Variants in NELL1 observed in about 807,000 individuals in gnomAD.
NELL1 encodes the protein neural EGFL like 1, also known as protein kinase C-binding protein NELL1.
A neutral mutation model predicts 107.4 loss-of-function variants in NELL1; 76 were observed. The observed-to-expected ratio is 0.71, with a 90% confidence interval of 0.59 to 0.86. NELL1 has a LOEUF of 0.86. NELL1 is among the 40% of genes least tolerant of loss of function. NELL1 has a pLI of 0.00. For missense variants in NELL1, 1,024 were observed against 1,005.5 expected (o/e 1.02, Z -0.25); for synonymous variants, 353 against 341.2 (o/e 1.03, Z -0.38).
At chr11:21,294,104 A>G (rs1849326999) in intron 14 of NELL1, among the ~76,000 whole-genome samples, 1 of 152,112 alleles carries the variant, frequency 6.6e-6, no homozygotes, top group African/African-American at 2.4e-5. Context: ...TGAAGTATAT[A>G]AAAATGGCAA....
intron 2 of NELL1, among the ~76,000 whole-genome samples, chr11:20,682,599 T>C (rs187337531): frequency 1.3e-5 from 2 of 152,188 alleles, no homozygotes; most frequent in Admixed American, 1.3e-4. Context: ...ATAATTATAT[T>C]ATAATAAACT....
chr11:21,175,565 T>C (rs1186377046), intron 13 of NELL1, among the ~76,000 whole-genome samples: 1 of 151,834 alleles, frequency 6.6e-6, no homozygotes, highest in African/African-American at 2.4e-5. Context: ...TGTGTGACAG[T>C]GTTGGGTTTA....
At chr11:20,794,162 T>C (rs1399121884) in intron 3 of NELL1, among the ~76,000 whole-genome samples, 3 of 152,194 alleles carry the variant, frequency 2.0e-5, no homozygotes, top group African/African-American at 7.2e-5. Flanking sequence ...ATGTATAATC[T>C]GTATCCCATT....
At chr11:20,806,866 T>G (rs1857395795) in intron 3 of NELL1, among the ~76,000 whole-genome samples, 1 of 152,172 alleles carries the variant, frequency 6.6e-6, no homozygotes, top group Admixed American at 6.5e-5. Context: ...GTTAATTAAA[T>G]TTTTCAACTC....
intron 2 of NELL1, among the ~76,000 whole-genome samples, chr11:20,719,407 T>A (rs1324867685): frequency 1.6e-5 from 2 of 124,102 alleles, no homozygotes; most frequent in African/African-American, 6.2e-5. Flanking sequence ...AATATTTAAA[T>A]ATACTATTAA....
intron 1 of NELL1, chr11:20,674,350 C>T: frequency 1.5e-6 from 1 of 647,396 alleles, no homozygotes; most frequent in African/African-American, 1.8e-5. Flanking sequence ...GATGAAACAA[C>T]CCCCAGCTGG....
At chr11:20,960,674 A>G (rs1426422661) in intron 12 of NELL1, 114 bp downstream of exon 12, 10 of 1,126,630 alleles carry the variant, frequency 8.9e-6, no homozygotes, top group East Asian at 7.1e-5. Flanking sequence ...ATGCAATCCT[A>G]TAAGAAATCA....
At chr11:20,689,442 C>G (rs964911432) in intron 2 of NELL1, among the ~76,000 whole-genome samples, 1 of 111,100 alleles carries the variant, frequency 9.0e-6, no homozygotes, top group Non-Finnish European at 1.8e-5. Context: ...CCCCTCCCCC[C>G]ACCCCACAAC....
intron 13 of NELL1, among the ~76,000 whole-genome samples, chr11:21,154,368 G>A (rs1208480245): frequency 6.6e-6 from 1 of 152,148 alleles, no homozygotes; most frequent in Non-Finnish European, 1.5e-5. Flanking sequence ...GACTTGACAT[G>A]GCAGGGGAAA....
chr11:21,242,657 A>T (rs1052778329), intron 14 of NELL1, among the ~76,000 whole-genome samples: 1 of 152,070 alleles, frequency 6.6e-6, no homozygotes, highest in African/African-American at 2.4e-5. Flanking sequence ...GCCTACACGT[A>T]AAAATTACTG....
At position 21,491,610 on chromosome 11, in the gene NELL1, A is replaced by G. The variant is rs529732496; in HGVS notation, c.1646-42764A>G. Among the ~76,000 whole-genome samples, 13 of 152,200 alleles carry G rather than the reference A, an allele frequency of 8.5e-5. No individual in the cohort carries two copies. The South Asian group carries it at 2.1e-3, about 24-fold the overall frequency. On this transcript the variant is annotated intron_variant, in intron 15 of 19. Coordinates refer to ENST00000357134, the MANE Select transcript of NELL1 (RefSeq NM_006157.5). The stretch of plus-strand genomic sequence containing the variant: ...GTTTGGGTTACTGTAGCTTTGTAGT[A>G]TAGTTTGAAGTCAGGTAGCATGATG...
intron 3 of NELL1, among the ~76,000 whole-genome samples, chr11:20,806,020 T>C (rs1857375362): frequency 6.6e-6 from 1 of 152,198 alleles, no homozygotes. Flanking sequence ...TATAAGTAGT[T>C]TACTGACCAC....
At chr11:21,360,290 G>A (rs769157803) in intron 14 of NELL1, among the ~76,000 whole-genome samples, 4 of 152,078 alleles carry the variant, frequency 2.6e-5, no homozygotes. Context: ...CTATGTATTT[G>A]TATAGTTTTG....
intron 14 of NELL1, chr11:21,284,502 G>A (rs1340988214): frequency 6.5e-6 from 3 of 459,588 alleles, no homozygotes; most frequent in African/African-American, 2.0e-5. Flanking sequence ...TGTGGGGGAG[G>A]TGGCATCCCG....
At chr11:20,827,293 C>A (rs1313203407) in intron 3 of NELL1, among the ~76,000 whole-genome samples, 1 of 151,334 alleles carries the variant, frequency 6.6e-6, no homozygotes, top group African/African-American at 2.4e-5. Flanking sequence ...TGTCAGTGCT[C>A]ATTATTGTGT....
At chr11:20,936,061 G>C (rs1014578811) in intron 9 of NELL1, among the ~76,000 whole-genome samples, 7 of 152,150 alleles carry the variant, frequency 4.6e-5, no homozygotes, top group African/African-American at 1.7e-4. Context: ...AGTGCTCTCA[G>C]GATCAATTCT....
intron 14 of NELL1, among the ~76,000 whole-genome samples, chr11:21,289,887 C>G (rs1849211559): frequency 6.6e-6 from 1 of 152,114 alleles, no homozygotes; most frequent in Admixed American, 6.5e-5. Flanking sequence ...GAAGTTCAAA[C>G]TGGGTGGAGC....
At chr11:21,170,594 T>C (rs1471409247) in intron 13 of NELL1, among the ~76,000 whole-genome samples, 1 of 151,408 alleles carries the variant, frequency 6.6e-6, no homozygotes, top group Non-Finnish European at 1.5e-5. Context: ...AAATACTTTG[T>C]TGAATGAGTG....
chr11:20,807,363 G>A (rs1044996811), intron 3 of NELL1, among the ~76,000 whole-genome samples: 6 of 152,196 alleles, frequency 3.9e-5, no homozygotes, highest in Non-Finnish European at 8.8e-5. Context: ...TGGATTGCCA[G>A]GCTGAGACTC....
Sources: allele counts gnomAD v4.1 joint callset (sites outside exome capture counted in the v4.1 genomes callset), GRCh38; gene constraint gnomAD v4.1.1; transcripts MANE v1.5; gene names NCBI Gene and HGNC (gene_info 2026-07-23, HGNC 2026-07-21).